The following KHDRBS2 variants were observed in gnomAD, a reference collection of about 807,000 sequenced individuals.
The protein encoded by KHDRBS2 is KH RNA binding domain containing, signal transduction associated 2.
KHDRBS2 carries 26 observed loss-of-function variants against 44.3 expected under a neutral mutation model. The ratio of observed to expected loss-of-function variants is 0.59; its 90% confidence interval spans 0.43 to 0.81. KHDRBS2 has a LOEUF of 0.81. KHDRBS2 is among the 40% of genes least tolerant of loss of function. The pLI is 0.00. For synonymous variants in KHDRBS2, 194 were observed against 151.1 expected (o/e 1.28, Z -2.08); for missense variants, 476 against 433.1 (o/e 1.10, Z -0.88).
chr6:61,853,167 G>A (rs1467519249), intron 6 of KHDRBS2, among the ~76,000 whole-genome samples: 1 of 152,056 alleles, frequency 6.6e-6, no homozygotes, highest in Admixed American at 6.6e-5. Flanking sequence ...CTACTCTATG[G>A]ATTCAGCTTT....
chr6:61,558,863 A>T, the KHDRBS2 span, among the ~76,000 whole-genome samples: 2 of 152,182 alleles, frequency 1.3e-5, no homozygotes, highest in Non-Finnish European at 2.9e-5. Flanking sequence ...ACAATGAGTC[A>T]TATGCTGAGG....
At position 61,900,070 on chromosome 6, in the gene KHDRBS2, TAAAATA is replaced by T. The variant is rs1159780939; in HGVS notation, c.611+1168_611+1173del. On this transcript the variant is annotated intron_variant, in intron 5 of 8. Coordinates refer to ENST00000281156, the MANE Select transcript of KHDRBS2 (RefSeq NM_152688.4). ...GAGCTTATTTTTGATTTTTTAAAGA[TAAAATA>T]TAAATAAGCTCTAGAACACATTCAG... Among the ~76,000 whole-genome samples the T allele has an allele frequency of 2.6e-5, 4 of 152,146 alleles. No individual in the cohort carries two copies. In the East Asian group the frequency reaches 7.7e-4, roughly 29 times the overall value.
chr6:61,797,878 AT>A (rs1304271776), intron 6 of KHDRBS2, among the ~76,000 whole-genome samples: 5 of 151,636 alleles, frequency 3.3e-5, no homozygotes, highest in Admixed American at 6.6e-5. Context: ...CTCAACTTTT[AT>A]TTTAGGTTCA....
chr6:62,053,607 A>C (rs186657008), intron 2 of KHDRBS2, among the ~76,000 whole-genome samples: 114 of 152,094 alleles, frequency 7.5e-4, no homozygotes, highest in African/African-American at 2.5e-3. Flanking sequence ...TCATCTGAAA[A>C]ACAAAGGAAA....
chr6:61,977,602 C>T (rs1772943740), intron 4 of KHDRBS2, among the ~76,000 whole-genome samples: 1 of 152,128 alleles, frequency 6.6e-6, no homozygotes, highest in South Asian at 2.1e-4. Flanking sequence ...CATGCCATCA[C>T]ATGAAAATAC....
chr6:62,011,771 A>G (rs562688279), intron 3 of KHDRBS2, among the ~76,000 whole-genome samples: 1 of 152,130 alleles, frequency 6.6e-6, no homozygotes, highest in Non-Finnish European at 1.5e-5. Flanking sequence ...CTTGACACAT[A>G]CTAAGTGCTC....
the KHDRBS2 span, among the ~76,000 whole-genome samples, chr6:61,641,432 G>T: frequency 6.6e-6 from 1 of 151,980 alleles, no homozygotes; most frequent in Non-Finnish European, 1.5e-5. Context: ...CTAATTGCAG[G>T]TCCCTGAAAA....
At chr6:61,675,285 T>G (rs1490913471), downstream of KHDRBS2, among the ~76,000 whole-genome samples, 1 of 151,786 alleles carries the variant, frequency 6.6e-6, no homozygotes, top group African/African-American at 2.4e-5. Context: ...GTTTTAAAAA[T>G]AATTTCCTTT....
At chr6:62,232,984 GA>G (rs539110700) in intron 1 of KHDRBS2, among the ~76,000 whole-genome samples, 39 of 152,238 alleles carry the variant, frequency 2.6e-4, no homozygotes, top group African/African-American at 8.9e-4. Context: ...TACACAAAGA[GA>G]AAGAAATCCA....
chr6:62,142,267 T>C (rs1295112852), intron 2 of KHDRBS2, among the ~76,000 whole-genome samples: 4 of 152,072 alleles, frequency 2.6e-5, no homozygotes, highest in African/African-American at 4.8e-5. Flanking sequence ...GAAAAACTTC[T>C]GCCTTTGTCC....
At chr6:61,586,881 C>T in the KHDRBS2 span, among the ~76,000 whole-genome samples, 1 of 152,288 alleles carries the variant, frequency 6.6e-6, no homozygotes, top group Non-Finnish European at 1.5e-5. Flanking sequence ...TTGTTACATT[C>T]CCTTTTGAGG....
chr6:62,041,486 A>C (rs1196784266), intron 3 of KHDRBS2, among the ~76,000 whole-genome samples: 1 of 152,136 alleles, frequency 6.6e-6, no homozygotes, highest in African/African-American at 2.4e-5. Context: ...ATTCTTTTTT[A>C]ATAGCTTAGT....
At chr6:61,542,975 G>C in the KHDRBS2 span, among the ~76,000 whole-genome samples, 6 of 152,014 alleles carry the variant, frequency 3.9e-5, no homozygotes, top group African/African-American at 1.4e-4. Flanking sequence ...GATTAGGATA[G>C]AACATGGTAT....
chr6:62,230,883 T>C (rs1832789813), intron 1 of KHDRBS2, among the ~76,000 whole-genome samples: 1 of 152,184 alleles, frequency 6.6e-6, no homozygotes, highest in African/African-American at 2.4e-5. Context: ...TCAGAATTGG[T>C]TAAGAATTGT....
chr6:61,667,134 CTT>C, the KHDRBS2 span, among the ~76,000 whole-genome samples: 31 of 133,650 alleles, frequency 2.3e-4, no homozygotes, highest in African/African-American at 5.1e-4. Flanking sequence ...CCGCAAAGTA[CTT>C]TTTTTTTTTT....
At chr6:61,873,875 A>C (rs1470108784) in intron 6 of KHDRBS2, among the ~76,000 whole-genome samples, 2 of 152,096 alleles carry the variant, frequency 1.3e-5, no homozygotes, top group Non-Finnish European at 2.9e-5. Flanking sequence ...GGTGAGAATT[A>C]AAATCAATTC....
intron 3 of KHDRBS2, among the ~76,000 whole-genome samples, chr6:61,981,303 C>T (rs1420683110): frequency 1.3e-5 from 2 of 152,070 alleles, no homozygotes; most frequent in Admixed American, 6.6e-5. Flanking sequence ...TACTGGTCTG[C>T]CCTTAATAAG....
chr6:62,200,935 G>A (rs1826839498), intron 1 of KHDRBS2, among the ~76,000 whole-genome samples: 2 of 152,250 alleles, frequency 1.3e-5, no homozygotes, highest in Middle Eastern at 3.4e-3. Flanking sequence ...GTTCTTTGTA[G>A]GGGCATGGAT....
chr6:61,822,480 T>G (rs759755987), intron 6 of KHDRBS2, among the ~76,000 whole-genome samples: 1 of 151,992 alleles, frequency 6.6e-6, no homozygotes, highest in Non-Finnish European at 1.5e-5. Context: ...CATCAGTGCT[T>G]CAATGTTCTA....
Sources: gnomAD v4.1 joint callset for allele counts (sites outside exome capture counted in the v4.1 genomes callset) on GRCh38, gnomAD v4.1.1 for gene constraint, MANE v1.5 for transcripts, NCBI Gene and HGNC (gene_info 2026-07-23, HGNC 2026-07-21) for gene names.